Variants in UNC5D observed in about 807,000 individuals in gnomAD.
UNC5D encodes the protein netrin receptor UNC5D.
Under a neutral mutation model 105.4 loss-of-function variants are expected in UNC5D, and 39 were observed. That is an observed-to-expected ratio of 0.37 (90% confidence interval 0.29 to 0.48). The LOEUF is 0.48. Ranked by LOEUF, UNC5D falls within the 20% of genes least tolerant of loss-of-function variation. UNC5D has a pLI of 0.98. For synonymous variants in UNC5D, 452 were observed against 450.4 expected (o/e 1.00, Z -0.04); for missense variants, 991 against 1,202.4 (o/e 0.82, Z 2.60).
chr8:35,300,593 A>T (rs1024006374), intron 1 of UNC5D, among the ~76,000 whole-genome samples: 1 of 151,882 alleles, frequency 6.6e-6, no homozygotes, highest in Non-Finnish European at 1.5e-5. Context: ...ATTATAAATG[A>T]CTCCACCTGG....
intron 16 of UNC5D, among the ~76,000 whole-genome samples, chr8:35,776,818 A>G (rs1802268247): frequency 6.6e-6 from 1 of 152,194 alleles, no homozygotes; most frequent in African/African-American, 2.4e-5. Flanking sequence ...ATCTACTTCT[A>G]TCCTTAAATC....
intron 1 of UNC5D, among the ~76,000 whole-genome samples, chr8:35,538,874 G>A (rs1815065249): frequency 6.6e-6 from 1 of 152,006 alleles, no homozygotes. Context: ...AAAGTTTGAG[G>A]GGTCTTTAGG....
At chr8:35,434,342 T>C (rs1023446058) in intron 1 of UNC5D, among the ~76,000 whole-genome samples, 1 of 152,116 alleles carries the variant, frequency 6.6e-6, no homozygotes, top group African/African-American at 2.4e-5. Context: ...CTATCAATTG[T>C]TGTCTTAGAG....
chr8:35,698,543 C>T (rs1190055146), intron 7 of UNC5D, among the ~76,000 whole-genome samples: 1 of 152,038 alleles, frequency 6.6e-6, no homozygotes, highest in African/African-American at 2.4e-5. Context: ...GCTTGTTTTA[C>T]TTAGTATATT....
At chr8:35,487,002 C>A (rs1454463139) in intron 1 of UNC5D, among the ~76,000 whole-genome samples, 1 of 152,106 alleles carries the variant, frequency 6.6e-6, no homozygotes, top group East Asian at 1.9e-4. Flanking sequence ...CCAGGCCATA[C>A]TATCCAACCC....
At chr8:35,543,751 C>T (rs986228734) in intron 1 of UNC5D, among the ~76,000 whole-genome samples, 6 of 152,198 alleles carry the variant, frequency 3.9e-5, no homozygotes, top group African/African-American at 1.4e-4. Context: ...TTCTCAGGGC[C>T]TTCTCTGGGA....
chr8:35,371,699 CTGTT>C (rs147688541), intron 1 of UNC5D, among the ~76,000 whole-genome samples: 2,276 of 152,266 alleles, frequency 0.015, 57 homozygotes, highest in African/African-American at 0.053. Context: ...CTCTCATAGT[CTGTT>C]TCTCTGGCCA....
chr8:35,544,532 C>T (rs1297091896), intron 1 of UNC5D: 1 of 1,613,120 alleles, frequency 6.2e-7, no homozygotes, highest in Non-Finnish European at 8.5e-7. Flanking sequence ...CCAAACTTCA[C>T]CAGGTAAGGC....
At chr8:35,368,944 C>T (rs532186400) in intron 1 of UNC5D, among the ~76,000 whole-genome samples, 1 of 152,228 alleles carries the variant, frequency 6.6e-6, no homozygotes, top group African/African-American at 2.4e-5. Flanking sequence ...TTCCAGTCTC[C>T]GGAACCATGA....
intron 1 of UNC5D, among the ~76,000 whole-genome samples, chr8:35,315,352 C>A (rs1809208266): frequency 6.6e-6 from 1 of 152,170 alleles, no homozygotes; most frequent in African/African-American, 2.4e-5. Context: ...TTTGCTCCTT[C>A]ATCTGCGCTC....
chr8:35,566,142 T>C (rs192054911), intron 2 of UNC5D, among the ~76,000 whole-genome samples: 1 of 152,304 alleles, frequency 6.6e-6, no homozygotes, highest in Admixed American at 6.5e-5. Flanking sequence ...AAATGTGAGT[T>C]ACCAACTGTC....
intron 1 of UNC5D, among the ~76,000 whole-genome samples, chr8:35,287,554 G>T (rs751397810): frequency 8.3e-5 from 4 of 47,936 alleles, no homozygotes; most frequent in East Asian, 0.038. Context: ...CAGTACTTTG[G>T]GGGGCTGAGG....
At chr8:35,274,936 A>C (rs578117596) in intron 1 of UNC5D, among the ~76,000 whole-genome samples, 1 of 151,910 alleles carries the variant, frequency 6.6e-6, no homozygotes, top group Non-Finnish European at 1.5e-5. Context: ...CTAAAAATAC[A>C]AAAAATTGGC....
chr8:35,597,712 T>TC (rs1335768832), intron 4 of UNC5D, among the ~76,000 whole-genome samples: 1 of 152,142 alleles, frequency 6.6e-6, no homozygotes, highest in African/African-American at 2.4e-5. Flanking sequence ...TACTTTTTTT[T>TC]CAGATGGAAG....
At chr8:35,655,336 A>G (rs1240078003) in intron 4 of UNC5D, among the ~76,000 whole-genome samples, 2 of 152,160 alleles carry the variant, frequency 1.3e-5, no homozygotes, top group African/African-American at 4.8e-5. Flanking sequence ...GTATTTGCAC[A>G]CATTGTCTTC....
intron 1 of UNC5D, among the ~76,000 whole-genome samples, chr8:35,273,577 T>C (rs558158270): frequency 9.9e-5 from 15 of 152,206 alleles, no homozygotes; most frequent in Non-Finnish European, 2.2e-4. Flanking sequence ...TCTTTATGTT[T>C]AGAAAGCTCC....
intron 2 of UNC5D, among the ~76,000 whole-genome samples, chr8:35,564,371 A>G (rs1817180974): frequency 6.6e-6 from 1 of 152,116 alleles, no homozygotes; most frequent in East Asian, 1.9e-4. Context: ...CTGTTCTGCA[A>G]TATAGGAGCT....
At chr8:35,258,701 T>A (rs757207732) in intron 1 of UNC5D, among the ~76,000 whole-genome samples, 1 of 152,082 alleles carries the variant, frequency 6.6e-6, no homozygotes, top group African/African-American at 2.4e-5. Context: ...GAAACTGAGA[T>A]CTAGAAATAA....
At chr8:35,747,267 C>T (rs887157334) in intron 11 of UNC5D, among the ~76,000 whole-genome samples, 1 of 152,074 alleles carries the variant, frequency 6.6e-6, no homozygotes, top group African/African-American at 2.4e-5. Context: ...AGATAATGAG[C>T]TCAAGTATAA....
Sources: allele counts gnomAD v4.1 joint callset (sites outside exome capture counted in the v4.1 genomes callset), GRCh38; gene constraint gnomAD v4.1.1; transcripts MANE v1.5; gene names NCBI Gene and HGNC (gene_info 2026-07-23, HGNC 2026-07-21).